Variants in CAPN3 observed in about 807,000 individuals in gnomAD.
CAPN3 encodes the protein calpain 3.
Under a neutral mutation model 114.0 loss-of-function variants are expected in CAPN3, and 88 were observed. The observed-to-expected ratio is 0.77, with a 90% CI of 0.65 to 0.92. The LOEUF is 0.92. CAPN3 is among the 40% of genes least tolerant of loss of function. The pLI is 0.00. For missense variants in CAPN3, 1,028 were observed against 1,069.0 expected, an observed-to-expected ratio of 0.96 and a Z score of 0.53; for synonymous variants, 386 against 382.9, an observed-to-expected ratio of 1.01 and a Z score of -0.09.
At chr15:42,394,857 G>A (rs577544097) in intron 8 of CAPN3, among the ~76,000 whole-genome samples, 1 of 152,268 alleles carries the variant, frequency 6.6e-6, no homozygotes, top group Admixed American at 6.5e-5. Flanking sequence ...GGAATAGACT[G>A]GGGGCAACAA....
At chr15:42,409,685 G>C in intron 17 of CAPN3, 102 bp from the exon 18 acceptor site, 3 of 1,085,258 alleles carry the variant, frequency 2.8e-6, no homozygotes, top group South Asian at 1.2e-5. Context: ...AGCACCGACA[G>C]GGATTTTACA....
At chr15:42,393,920 G>T (rs1445777199) in intron 7 of CAPN3, among the ~76,000 whole-genome samples, 2 of 152,026 alleles carry the variant, frequency 1.3e-5, no homozygotes, top group Non-Finnish European at 2.9e-5. Flanking sequence ...TAATTTATAT[G>T]AAGACACCTA....
chr15:42,370,979 TTA>T, intron 1 of CAPN3, among the ~76,000 whole-genome samples: 1 of 152,168 alleles, frequency 6.6e-6, no homozygotes, highest in Admixed American at 6.5e-5. Flanking sequence ...CTCAGGCAAA[TTA>T]TTGACCATTC....
At chr15:42,397,660 T>A (rs74874708) in intron 9 of CAPN3, among the ~76,000 whole-genome samples, 5 of 147,722 alleles carry the variant, frequency 3.4e-5, no homozygotes, top group Non-Finnish European at 7.4e-5. Flanking sequence ...AAAAAAAAAA[T>A]GTTGTCTTAG....
At chr15:42,408,173 TCCTC>T in intron 15 of CAPN3, 34 bp from the exon 16 acceptor site, 1 of 1,397,752 alleles carries the variant, frequency 7.2e-7, no homozygotes, top group Non-Finnish European at 1.0e-6. Context: ...CAGACTGTAA[TCCTC>T]CCTTCCTTCC....
At position 42,412,291 on chromosome 15, in the gene CAPN3, T is replaced by A; in HGVS notation, c.*518T>A. The A allele has an allele frequency of 9.4e-7, 1 of 1,063,622 alleles. No homozygotes were observed. Among genetic ancestry groups the A allele is most frequent in the Non-Finnish European group, 1.4e-6 (1 of 732,062 alleles). The allele number at this position is 1,063,622 out of a possible 1,614,324, so 65.9% of individuals were successfully genotyped here. Reference sequence around the variant, plus strand: ...GGCTGCATTTTGAAAAAAGCTGATCTAAATAAAGGCATGTGTATGGCTGGT... The same window carrying A: ...GGCTGCATTTTGAAAAAAGCTGATCAAAATAAAGGCATGTGTATGGCTGGT... On this transcript the variant is annotated 3_prime_UTR_variant, in exon 24 of 24. Coordinates refer to ENST00000397163, the MANE Select transcript of CAPN3 (RefSeq NM_000070.3).
At chr15:42,397,326 TATGATGCTC>T in intron 9 of CAPN3, among the ~76,000 whole-genome samples, 1 of 152,302 alleles carries the variant, frequency 6.6e-6, no homozygotes, top group Middle Eastern at 3.4e-3. Flanking sequence ...GGGATTAATT[TATGATGCTC>T]ATCACCCTTA....
At position 42,410,242 on chromosome 15, in the gene CAPN3, T is replaced by C. The variant is rs28364534; in HGVS notation, c.2116-186T>C. ...GCCTGGGATCCTGCCCAAGCAAAAG[T>C]GGTCCTTAGGAGAGCGGCTCCTGGG... On this transcript the variant is annotated intron_variant, in intron 19 of 23. Transcript: ENST00000397163. 0.017 allele frequency among the ~76,000 whole-genome samples: 2,597 copies of C among 152,136 alleles called. 84 individuals carry two copies. Among genetic ancestry groups the C allele is most frequent in the African/African-American group, 0.06 (2,481 of 41,474 alleles).
rs2052591879 is a variant in CAPN3, at chr15:42,359,868, G to A, written c.63G>A (p.Gly21=). The change falls in exon 1 of 24, where the codon GGG becomes GGA. Residue 21 remains glycine (G), a synonymous_variant. Transcript: ENST00000397163. ...CAGCGGCTGAGCCCCGGTCCCCAGG[G>A]CCAGTTCCTCACCCGGCCCAGAGCA... The part of the protein sequence containing the change: ...PRTAAEPRSP[G]PVPHPAQSKA... 1 of 1,614,188 alleles carries A rather than the reference G, an allele frequency of 6.2e-7. No homozygotes were observed. Among genetic ancestry groups the A allele is most frequent in the Non-Finnish European group, 8.5e-7 (1 of 1,180,044 alleles).
rs981295495 is a variant in CAPN3 at position 42,359,921 on chromosome 15, C to T, written c.116C>T (p.Pro39Leu). ...GCCACTGAGGCTGGGGGTGGAAACC[C>T]AAGTGGCATCTATTCAGCCATCATC... ...SKATEAGGGN[P>L]SGIYSAIISR... The change falls in exon 1 of 24, where the codon CCA (proline) becomes CTA (leucine). Residue 39 changes from proline (P) to leucine (L), a missense_variant. Physicochemically the swap from Pro to Leu is moderately conservative, Grantham distance 98 (BLOSUM62 -3). Coordinates refer to ENST00000397163, the MANE Select transcript of CAPN3 (RefSeq NM_000070.3). The T allele has an allele frequency of 6.2e-7, 1 of 1,614,196 alleles. No individual in the cohort carries two copies. Among genetic ancestry groups the T allele is most frequent in the East Asian group, 2.2e-5 (1 of 44,888 alleles).
At chr15:42,360,213 G>A in intron 1 of CAPN3, 99 bp downstream of exon 1, 1 of 1,285,130 alleles carries the variant, frequency 7.8e-7, no homozygotes, top group Non-Finnish European at 1.1e-6. Context: ...GGCACTGGGG[G>A]AAGGATCCTG....
rs192195186 is a variant in CAPN3 at position 42,404,955 on chromosome 15, C to T, written c.1783-971C>T. ...AAAGCTTATGGGAGCTGGCACGTCA[C>T]GTGAGTAGAGCAGGCAGGTGCAGGG... On this transcript the variant is annotated intron_variant, in intron 14 of 23. Transcript: ENST00000397163. The T allele has an allele frequency of 5.3e-4, 528 of 997,666 alleles. 3 individuals are homozygous for T. In the African/African-American group the frequency reaches 8.5e-3, roughly 16 times the overall value. 61.8% of individuals were successfully genotyped at this position (997,666 alleles called of 1,614,324 possible).
chr15:42,385,523 T>TACACAC lies in CAPN3; in HGVS notation c.380-640_380-635dup, dbSNP rs750540050. On this transcript the variant is annotated intron_variant, in intron 2 of 23. Transcript: ENST00000397163. ...GTACACCCCCTATTATATATATATA[T>TACACAC]ACACACACAGAGAGAGAGAGAGAGA... Among the ~76,000 whole-genome samples the TACACAC allele has an allele frequency of 7.3e-3, 1,090 of 149,568 alleles. 12 individuals are homozygous for TACACAC. Among genetic ancestry groups the TACACAC allele is most frequent in the African/African-American group, 0.026 (1,037 of 40,322 alleles).
chr15:42,409,205 C>A, intron 16 of CAPN3, 98 bp from the exon 17 acceptor site: 5 of 1,108,812 alleles, frequency 4.5e-6, no homozygotes, highest in Admixed American at 3.8e-5. Flanking sequence ...CACCTCCGGC[C>A]GTTTTAGGCA....
Position 42,359,810 on chromosome 15 carries a change from C to T in CAPN3, c.5C>T (p.Pro2Leu), listed in dbSNP as rs373919252. The change falls in exon 1 of 24, where the codon CCG (proline) becomes CTG (leucine). Residue 2 changes from proline (P) to leucine (L), a missense_variant. Transcript: ENST00000397163. ...TTTCTTCCAAAGCCACTTGCCATGCCGACCGTCATTAGCGCATCTGTGGCT... is the reference window on the plus strand; with the variant it reads ...TTTCTTCCAAAGCCACTTGCCATGCTGACCGTCATTAGCGCATCTGTGGCT... M[P>L]TVISASVAPR... 9.3e-6 allele frequency: 15 copies of T among 1,613,514 alleles called. No individual in the cohort carries two copies. The highest frequency in any genetic ancestry group is 4.5e-5 in the East Asian group (2 of 44,886).
At chr15:42,364,629 C>A (rs1157759606) in intron 1 of CAPN3, among the ~76,000 whole-genome samples, 2 of 152,168 alleles carry the variant, frequency 1.3e-5, no homozygotes, top group African/African-American at 4.8e-5. Flanking sequence ...TTCTAGTTAT[C>A]TACATCAAAT....
At chr15:42,402,160 G>A (rs2053891036) in intron 12 of CAPN3, 25 bp downstream of exon 12, 2 of 1,613,956 alleles carry the variant, frequency 1.2e-6, no homozygotes, top group African/African-American at 2.7e-5. Context: ...GCGGCCAGCA[G>A]TTGTGTGCAG....
At chr15:42,409,507 G>T (rs1251715786) in intron 17 of CAPN3, 127 bp downstream of exon 17, 5 of 972,798 alleles carry the variant, frequency 5.1e-6, no homozygotes, top group Admixed American at 2.0e-5. Flanking sequence ...GCCAGGGGAT[G>T]TGTGCGTAGC....
chr15:42,392,315 A>G (rs1024358686), intron 6 of CAPN3, among the ~76,000 whole-genome samples: 4 of 151,890 alleles, frequency 2.6e-5, no homozygotes, highest in African/African-American at 7.3e-5. Context: ...CTCCAACTCT[A>G]CCCCTTCCTC....
Sources: allele counts gnomAD v4.1 joint callset (sites outside exome capture counted in the v4.1 genomes callset), GRCh38; gene constraint gnomAD v4.1.1; transcripts MANE v1.5; gene names NCBI Gene and HGNC (gene_info 2026-07-23, HGNC 2026-07-21).